Variants in ROBO2 observed in about 807,000 individuals in gnomAD.
The protein encoded by ROBO2 is roundabout homolog 2.
In ROBO2, 53 loss-of-function variants were observed where a neutral mutation model predicts 160.8. The ratio of observed to expected loss-of-function variants is 0.33; its 90% confidence interval spans 0.26 to 0.41. The LOEUF (loss-of-function observed/expected upper bound fraction) is 0.41. Ranked by LOEUF, ROBO2 falls within the 10% of genes least tolerant of loss-of-function variation. The pLI is 1.00. For missense variants in ROBO2, 1,577 were observed against 1,722.4 expected, an observed-to-expected ratio of 0.92 and a Z score of 1.49; for synonymous variants, 664 against 611.7, an observed-to-expected ratio of 1.09 and a Z score of -1.26.
At chr3:76,232,626 T>C (rs185645589) in intron 2 of ROBO2, among the ~76,000 whole-genome samples, 1 of 152,294 alleles carries the variant, frequency 6.6e-6, no homozygotes, top group Non-Finnish European at 1.5e-5. Context: ...TATTTAACGA[T>C]CACAAACAAA....
At chr3:76,862,176 G>A (rs1248481164) in intron 2 of ROBO2, among the ~76,000 whole-genome samples, 1 of 152,020 alleles carries the variant, frequency 6.6e-6, no homozygotes, top group Non-Finnish European at 1.5e-5. Context: ...ACTCCCTAAA[G>A]CTTCTACACA....
chr3:75,973,124 A>T (rs1319629397), intron 2 of ROBO2, among the ~76,000 whole-genome samples: 2 of 151,762 alleles, frequency 1.3e-5, no homozygotes, highest in Non-Finnish European at 3.0e-5. Context: ...TGGTTAGTTA[A>T]CAAGAAATAA....
intron 2 of ROBO2, among the ~76,000 whole-genome samples, chr3:77,163,077 C>A (rs929073063): frequency 6.6e-6 from 1 of 152,060 alleles, no homozygotes; most frequent in Non-Finnish European, 1.5e-5. Context: ...CTCAGGTGAT[C>A]CGCCTGCCTC....
intron 2 of ROBO2, among the ~76,000 whole-genome samples, chr3:76,660,267 A>T (rs1200498302): frequency 6.6e-6 from 1 of 152,224 alleles, no homozygotes; most frequent in African/African-American, 2.4e-5. Flanking sequence ...GCAAGAGATT[A>T]GAAATGTTAA....
chr3:75,946,355 T>C (rs1948292363), intron 2 of ROBO2, among the ~76,000 whole-genome samples: 1 of 152,016 alleles, frequency 6.6e-6, no homozygotes, highest in South Asian at 2.1e-4. Flanking sequence ...TGGCTATTTA[T>C]AGAAAGCCTA....
At chr3:76,920,230 A>C (rs1309324287) in intron 2 of ROBO2, among the ~76,000 whole-genome samples, 4 of 152,162 alleles carry the variant, frequency 2.6e-5, no homozygotes, top group African/African-American at 9.7e-5. Context: ...ATTGAAAGAG[A>C]AAATAAATGA....
At chr3:76,203,292 G>A (rs991064833) in intron 2 of ROBO2, among the ~76,000 whole-genome samples, 11 of 152,158 alleles carry the variant, frequency 7.2e-5, no homozygotes, top group African/African-American at 2.2e-4. Context: ...GAATGAAAGC[G>A]AAGCCAAGGT....
intron 1 of ROBO2, among the ~76,000 whole-genome samples, chr3:75,931,613 A>C (rs1474537862): frequency 1.3e-5 from 2 of 152,154 alleles, no homozygotes; most frequent in Admixed American, 6.5e-5. Context: ...TGGCCTCCCA[A>C]AATGCTGGGA....
At chr3:76,094,433 T>A (rs1432519256) in intron 2 of ROBO2, among the ~76,000 whole-genome samples, 2 of 152,130 alleles carry the variant, frequency 1.3e-5, no homozygotes, top group Admixed American at 1.3e-4. Context: ...GGATTCACAG[T>A]CAATAACGAA....
intron 2 of ROBO2, among the ~76,000 whole-genome samples, chr3:76,151,062 T>C (rs1174249718): frequency 6.6e-6 from 1 of 152,030 alleles, no homozygotes; most frequent in Non-Finnish European, 1.5e-5. Flanking sequence ...CTCTTCACTA[T>C]TTTTCTTCCC....
At chr3:76,395,005 CAAATCAACAGAA>C (rs2077357067) in intron 2 of ROBO2, among the ~76,000 whole-genome samples, 1 of 152,164 alleles carries the variant, frequency 6.6e-6, no homozygotes, top group Admixed American at 6.6e-5. Context: ...CTCTCCACCC[CAAATCAACAGAA>C]TATACATTTT....
chr3:76,452,170 T>A (rs1273919022), intron 2 of ROBO2, among the ~76,000 whole-genome samples: 1 of 151,970 alleles, frequency 6.6e-6, no homozygotes, highest in Admixed American at 6.6e-5. Flanking sequence ...TCTTCCAACT[T>A]ATTTTTTTAT....
chr3:76,693,115 G>GTATGTGTATATACATATA (rs1204895081), intron 2 of ROBO2, among the ~76,000 whole-genome samples: 2 of 147,182 alleles, frequency 1.4e-5, no homozygotes, highest in East Asian at 4.1e-4. Context: ...CCCTATATAT[G>GTATGTGTATATACATATA]TATGTGTATA....
At chr3:76,453,369 C>G (rs11707196) in intron 2 of ROBO2, among the ~76,000 whole-genome samples, 2,606 of 152,162 alleles carry the variant, frequency 0.017, 39 homozygotes, top group Non-Finnish European at 0.026. Context: ...TGTAAGGAAG[C>G]GATCCAGTTT....
chr3:76,575,351 T>C (rs1466060782), intron 2 of ROBO2, among the ~76,000 whole-genome samples: 1 of 152,064 alleles, frequency 6.6e-6, no homozygotes, highest in African/African-American at 2.4e-5. Flanking sequence ...ATATTACTAA[T>C]ATTTATAGTT....
chr3:76,333,857 C>T (rs1214106160), intron 2 of ROBO2, among the ~76,000 whole-genome samples: 4 of 152,078 alleles, frequency 2.6e-5, no homozygotes, highest in African/African-American at 9.7e-5. Flanking sequence ...ATGGATGAAG[C>T]TGGAAACCAT....
At chr3:77,106,977 G>T (rs1164070083) in intron 2 of ROBO2, among the ~76,000 whole-genome samples, 2 of 152,150 alleles carry the variant, frequency 1.3e-5, no homozygotes, top group African/African-American at 4.8e-5. Context: ...AACAACTCTG[G>T]ATGTCTTAGT....
chr3:76,671,291 T>A (rs2092254644), intron 2 of ROBO2, among the ~76,000 whole-genome samples: 1 of 152,170 alleles, frequency 6.6e-6, no homozygotes, highest in African/African-American at 2.4e-5. Flanking sequence ...ATGCAGGACA[T>A]CTAAATAGCA....
chr3:76,799,171 G>A (rs901560171), intron 2 of ROBO2, among the ~76,000 whole-genome samples: 5 of 151,558 alleles, frequency 3.3e-5, no homozygotes, highest in South Asian at 2.1e-4. Flanking sequence ...CCGAGATGGC[G>A]CCACTGCACT....
Sources: gnomAD v4.1 joint callset for allele counts (sites outside exome capture counted in the v4.1 genomes callset) on GRCh38, gnomAD v4.1.1 for gene constraint, MANE v1.5 for transcripts, NCBI Gene and HGNC (gene_info 2026-07-23, HGNC 2026-07-21) for gene names.